PGC: variants seen among roughly 807,000 people sequenced by gnomAD.
PGC encodes progastricsin.
Under a neutral mutation model 45.9 loss-of-function variants are expected in PGC, and 31 were observed. That is an observed-to-expected ratio of 0.67 (90% CI 0.51 to 0.91). PGC has a LOEUF of 0.91. Ranked by LOEUF, PGC falls within the 40% of genes least tolerant of loss-of-function variation. PGC has a pLI of 0.00. For missense variants in PGC, 477 were observed against 493.2 expected (o/e 0.97, Z 0.31); for synonymous variants, 192 against 201.8 (o/e 0.95, Z 0.41).
At chr6:41,738,703 T>A (rs1252945506) in intron 7 of PGC, among the ~76,000 whole-genome samples, 3 of 151,628 alleles carry the variant, frequency 2.0e-5, no homozygotes, top group Non-Finnish European at 4.4e-5. Context: ...ACATCTGTAA[T>A]CCCAGCACTT....
In PGC at chr6:41,744,208, G is replaced by C. The variant is rs142656986; in HGVS notation, c.328+189C>G. Reference sequence around the variant, plus strand: ...ACATATTGGCAGGGAAGGCAAAGGGGCCATCCAGCTGCAGGACCAGCATCT... The same window carrying C: ...ACATATTGGCAGGGAAGGCAAAGGGCCCATCCAGCTGCAGGACCAGCATCT... On this transcript the variant is annotated intron_variant, in intron 3 of 8. Coordinates refer to ENST00000373025, the MANE Select transcript of PGC (RefSeq NM_002630.4). This position sits in a 1 kb window ranked among gnomAD's most constrained non-coding sequence, Gnocchi z 4.4. 6.0e-4 allele frequency among the ~76,000 whole-genome samples: 92 copies of C among 152,288 alleles called. No individual in the cohort carries two copies. The highest frequency in any genetic ancestry group is 2.0e-3 in the African/African-American group (85 of 41,548).
chr6:41,741,412 G>A (rs746887359), intron 5 of PGC, among the ~76,000 whole-genome samples: 3 of 152,150 alleles, frequency 2.0e-5, no homozygotes, highest in African/African-American at 2.4e-5. Context: ...TTGGAAGGCC[G>A]AGGCGGGTGG....
chr6:41,737,036 T>C (rs1241504602), intron 8 of PGC, 32 bp from the exon 9 acceptor site: 1 of 1,597,944 alleles, frequency 6.3e-7, no homozygotes, highest in Admixed American at 1.7e-5. Context: ...CACTCATTCA[T>C]TTGTCCACAC....
rs764429988 is a variant in PGC, at chr6:41,739,861, G to C, written c.853C>G (p.Pro285Ala). Residue 285 changes from proline to alanine, a missense_variant, in exon 7 of 9, where the codon CCC becomes GCC. Physicochemically the swap from Pro to Ala is conservative, Grantham distance 27 (BLOSUM62 -1). Coordinates refer to ENST00000373025, the MANE Select transcript of PGC (RefSeq NM_002630.4). Reference sequence around the variant, plus strand: ...AGAAGAGCACTCATGTACTGCTGGGGCACAGTGAGCAGAGAGGTGCCTGTG... The same window carrying C: ...AGAAGAGCACTCATGTACTGCTGGGCCACAGTGAGCAGAGAGGTGCCTGTG... ...VDTGTSLLTV[P>A]QQYMSALLQA... 1.8e-5 allele frequency: 29 copies of C among 1,614,048 alleles called. No individual in the cohort carries two copies. The highest frequency in any genetic ancestry group is 2.5e-5 in the Non-Finnish European group (29 of 1,179,964).
chr6:41,743,473 C>A lies in PGC; in HGVS notation c.329-84G>T, dbSNP rs545564288. On this transcript the variant is annotated intron_variant, in intron 3 of 8. Transcript: ENST00000373025. ...CAGGCCTGCCGGGTTCCCACCTCAG[C>A]CTCTCGCTCAGGCTGCGCTCACATC... is the stretch of plus-strand genomic sequence containing the variant. 8 of 855,832 alleles carry A rather than the reference C, an allele frequency of 9.3e-6. No homozygotes were observed. In the African/African-American group the frequency reaches 1.2e-4, roughly 12 times the overall value. 53.0% of individuals were successfully genotyped at this position (855,832 alleles called of 1,614,324 possible).
intron 6 of PGC, 86 bp downstream of exon 6, chr6:41,740,405 A>G (rs1245491685): frequency 2.8e-5 from 42 of 1,474,774 alleles, no homozygotes; most frequent in Non-Finnish European, 3.6e-5. Context: ...ATCCCAGAGC[A>G]GTGCCAGACT....
intron 7 of PGC, among the ~76,000 whole-genome samples, chr6:41,738,980 CA>C (rs750819656): frequency 7.5e-5 from 11 of 146,804 alleles, no homozygotes; most frequent in African/African-American, 1.8e-4. Context: ...AAACAAAAAA[CA>C]AAAAAAAAAG....
chr6:41,740,899 G>T, intron 5 of PGC: 1 of 1,448,288 alleles, frequency 6.9e-7, no homozygotes, highest in Non-Finnish European at 9.0e-7. Flanking sequence ...GTATCCCTTA[G>T]ATTGGGGCTC....
rs1561880028 is a variant in PGC at position 41,738,239 on chromosome 6, T to TATATATATACATATATATATGC, written c.916-412_916-411insGCATATATATATGTATATATAT. ...GCATATATATATGCATATATATATG[T>TATATATATACATATATATATGC]ATATATATATGCATATATATATATG... On this transcript the variant is annotated intron_variant, in intron 7 of 8. Coordinates refer to ENST00000373025, the MANE Select transcript of PGC (RefSeq NM_002630.4). Among the ~76,000 whole-genome samples, 62 of 49,862 alleles carry TATATATATACATATATATATGC rather than the reference T, an allele frequency of 1.2e-3. 7 individuals carry two copies. Among genetic ancestry groups the TATATATATACATATATATATGC allele is most frequent in the African/African-American group, 5.7e-3 (59 of 10,370 alleles). 32.7% of individuals were successfully genotyped at this position (49,862 alleles called of 152,430 possible).
intron 6 of PGC, among the ~76,000 whole-genome samples, chr6:41,740,225 G>T (rs992340022): frequency 6.6e-6 from 1 of 152,188 alleles, no homozygotes; most frequent in Non-Finnish European, 1.5e-5. Context: ...TCTAATCTGT[G>T]AGCCCATGAT....
intron 7 of PGC, among the ~76,000 whole-genome samples, chr6:41,738,216 A>G (rs1231866009): frequency 7.8e-4 from 26 of 33,350 alleles, no homozygotes; most frequent in African/African-American, 2.7e-3. Flanking sequence ...ATATATATGC[A>G]TATATATATG....
chr6:41,740,972 G>A (rs947201879), intron 5 of PGC: 18 of 1,518,366 alleles, frequency 1.2e-5, no homozygotes, highest in African/African-American at 4.2e-5. Flanking sequence ...AATTCCCAGC[G>A]CCTCAGGCTC....
chr6:41,742,276 A>G lies in PGC; in HGVS notation c.647+14T>C, dbSNP rs778375462. On this transcript the variant is annotated intron_variant, in intron 5 of 8. Transcript: ENST00000373025. ...GCATCCCGGGAGGTGGGGACTGGCCAGCTGGTTGCTCACTTGCTGAGGTAG... is the reference window on the plus strand; with the variant it reads ...GCATCCCGGGAGGTGGGGACTGGCCGGCTGGTTGCTCACTTGCTGAGGTAG... The G allele has an allele frequency of 6.2e-7, 1 of 1,611,878 alleles. No individual in the cohort carries two copies. Among genetic ancestry groups the G allele is most frequent in the Non-Finnish European group, 8.5e-7 (1 of 1,178,666 alleles).
chr6:41,746,016 GC>G lies in PGC; in HGVS notation c.60-1209del, dbSNP rs1258487844. Among the ~76,000 whole-genome samples, 34 of 152,066 alleles carry G rather than the reference GC, an allele frequency of 2.2e-4. 1 individual carries two copies. The highest frequency in any genetic ancestry group is 7.2e-4 in the African/African-American group (30 of 41,526). ...CATCTCTACTAAAATTACAAAATTA[GC>G]CGGGCATGGTGGCGCATGCCTGTAA... On this transcript the variant is annotated intron_variant, in intron 1 of 8. Coordinates refer to ENST00000373025, the MANE Select transcript of PGC (RefSeq NM_002630.4).
At chr6:41,737,640 C>T in intron 8 of PGC, 90 bp downstream of exon 8, 2 of 755,824 alleles carry the variant, frequency 2.6e-6, no homozygotes, top group Non-Finnish European at 4.7e-6. Context: ...CGGAAAATGG[C>T]ACAAGGCAGG....
Position 41,744,319 on chromosome 6 carries a change from C to T in PGC, c.328+78G>A. ...AGCTCCCCTCAGTCCTGAGCTCCCT[C>T]TGGAAGTTTGGCCCTCCCCAGAGGG... On this transcript the variant is annotated intron_variant, in intron 3 of 8. Transcript: ENST00000373025. This position sits in a 1 kb window ranked among gnomAD's most constrained non-coding sequence, Gnocchi z 4.4. 1.0e-6 allele frequency: 1 copy of T among 989,688 alleles called. No homozygotes were observed. Among genetic ancestry groups the T allele is most frequent in the Non-Finnish European group, 1.6e-6 (1 of 644,448 alleles). The allele number at this position is 989,688 out of a possible 1,614,324, so 61.3% of individuals were successfully genotyped here.
chr6:41,738,155 T>TGCACACACACACAC (rs1307292218), intron 7 of PGC, among the ~76,000 whole-genome samples: 1 of 33,008 alleles, frequency 3.0e-5, no homozygotes, highest in African/African-American at 1.2e-4. Context: ...CATATATATA[T>TGCACACACACACAC]ACATATATAT....
At chr6:41,747,244 TC>T in intron 1 of PGC, 31 bp downstream of exon 1, 1 of 1,600,970 alleles carries the variant, frequency 6.2e-7, no homozygotes, top group Non-Finnish European at 8.6e-7. Flanking sequence ...CCATCCAGGC[TC>T]CCTGCACCAG....
chr6:41,742,477 G>C lies in PGC; in HGVS notation c.460C>G (p.Gln154Glu), dbSNP rs779220456. 4 of 1,614,056 alleles carry C rather than the reference G, an allele frequency of 2.5e-6. No homozygotes were observed. Among genetic ancestry groups the C allele is most frequent in the East Asian group, 4.5e-5 (2 of 44,876 alleles). ...AAGCCGAACTCCTGGTTGGGGACCTGGATGCTCTGGACCTAATGGAGACAC... is the reference window on the plus strand; with the variant it reads ...AAGCCGAACTCCTGGTTGGGGACCTCGATGCTCTGGACCTAATGGAGACAC... ...GYDTLTVQSI[Q>E]VPNQEFGLSE... The change falls in exon 5 of 9, where the codon CAG becomes GAG. Residue 154 changes from glutamine to glutamate, a missense_variant. Transcript: ENST00000373025.
Sources: allele counts gnomAD v4.1 joint callset (sites outside exome capture counted in the v4.1 genomes callset), GRCh38; gene constraint gnomAD v4.1.1; non-coding constraint Gnocchi (gnomAD v3.1); transcripts MANE v1.5; gene names NCBI Gene and HGNC (gene_info 2026-07-23, HGNC 2026-07-21).